Variants in TSPAN9 observed in about 807,000 individuals in gnomAD.
The protein encoded by TSPAN9 is tetraspanin-9.
In TSPAN9, 16 loss-of-function variants were observed where a neutral mutation model predicts 31.0. That is an observed-to-expected ratio of 0.52 (90% CI 0.35 to 0.78). TSPAN9 has a LOEUF of 0.78. Among genes scored for constraint, TSPAN9 ranks in the 30% least tolerant of loss-of-function variants. TSPAN9 has a pLI of 0.01. For synonymous variants in TSPAN9, 145 were observed against 121.6 expected (o/e 1.19, Z -1.27); for missense variants, 272 against 312.5 (o/e 0.87, Z 0.98).
intron 3 of TSPAN9, among the ~76,000 whole-genome samples, chr12:3,265,491 G>A (rs1862521792): frequency 6.6e-6 from 1 of 152,206 alleles, no homozygotes; most frequent in Non-Finnish European, 1.5e-5. Flanking sequence ...GGTCCACTGA[G>A]CTGCAAATTT....
At position 3,226,775 on chromosome 12, in the gene TSPAN9, TATATATATATATATATATA is replaced by T. The variant is rs1565622607; in HGVS notation, c.63+25520_63+25538del. Among the ~76,000 whole-genome samples, 41 of 6,152 alleles carry T rather than the reference TATATATATATATATATATA, an allele frequency of 6.7e-3. 6 individuals carry two copies. The highest frequency in any genetic ancestry group is 0.016 in the African/African-American group (30 of 1,842). The allele number at this position is 6,152 out of a possible 152,430, so 4.0% of individuals were successfully genotyped here. A position where few individuals can be genotyped will look rare whatever the true frequency, so the allele number is the denominator to read the frequency against. On this transcript the variant is annotated intron_variant, in intron 3 of 8. Transcript: ENST00000011898. ...ATATATATATATATATATATATATA[TATATATATATATATATATA>T]TTTTTTTTTTTTTTTCCCTCTTCGA...
At chr12:3,078,526 A>G (rs923778067) in intron 1 of TSPAN9, among the ~76,000 whole-genome samples, 25 of 152,110 alleles carry the variant, frequency 1.6e-4, no homozygotes, top group African/African-American at 6.0e-4. Context: ...AGTAATGGGG[A>G]GGGGAGGAGA....
At chr12:3,223,724 C>T (rs184462375) in intron 3 of TSPAN9, among the ~76,000 whole-genome samples, 4 of 152,240 alleles carry the variant, frequency 2.6e-5, no homozygotes, top group Admixed American at 2.6e-4. Flanking sequence ...AAGTATTGAG[C>T]GAGAGACCGG....
At chr12:3,130,991 G>T (rs2098329585) in intron 2 of TSPAN9, among the ~76,000 whole-genome samples, 1 of 152,080 alleles carries the variant, frequency 6.6e-6, no homozygotes, top group Admixed American at 6.6e-5. Flanking sequence ...AGGTCGTTGG[G>T]GCCAGTGCCC....
intron 3 of TSPAN9, among the ~76,000 whole-genome samples, chr12:3,261,303 C>T (rs1049623241): frequency 6.6e-6 from 1 of 152,188 alleles, no homozygotes; most frequent in Admixed American, 6.5e-5. Flanking sequence ...ATATTCACAA[C>T]AGCTTAATAT....
At chr12:3,194,206 T>A (rs879913015) in intron 2 of TSPAN9, among the ~76,000 whole-genome samples, 3 of 152,200 alleles carry the variant, frequency 2.0e-5, no homozygotes, top group Admixed American at 6.5e-5. Flanking sequence ...AGACACAGCC[T>A]CTGCTTTCTT....
Position 3,201,269 on chromosome 12 carries a change from G to T in TSPAN9, c.63+13G>T. 6.2e-7 allele frequency: 1 copy of T among 1,613,282 alleles called. No homozygotes were observed. The highest frequency in any genetic ancestry group is 8.5e-7 in the Non-Finnish European group (1 of 1,179,446). The stretch of plus-strand genomic sequence containing the variant: ...TTTGATATTCTGGGTAAGTCCTTCC[G>T]TTTCTCTCTCCCTTCGCCCTCTTCT... On this transcript the variant is annotated intron_variant, in intron 3 of 8. Coordinates refer to ENST00000011898, the MANE Select transcript of TSPAN9 (RefSeq NM_006675.5).
chr12:3,129,881 G>A (rs541699217), intron 2 of TSPAN9, among the ~76,000 whole-genome samples: 1 of 152,290 alleles, frequency 6.6e-6, no homozygotes, highest in East Asian at 1.9e-4. Flanking sequence ...GAGCCTGGCA[G>A]AGGTAGAACC....
chr12:3,241,621 C>T (rs1258056197), intron 3 of TSPAN9, among the ~76,000 whole-genome samples: 1 of 152,268 alleles, frequency 6.6e-6, no homozygotes, highest in Non-Finnish European at 1.5e-5. Context: ...CACTTTCCTT[C>T]TGGGCTCGTT....
chr12:3,191,086 G>A (rs983793701), intron 2 of TSPAN9, among the ~76,000 whole-genome samples: 1 of 152,126 alleles, frequency 6.6e-6, no homozygotes, highest in Non-Finnish European at 1.5e-5. Context: ...TTCGGGGTGT[G>A]GGGGAAAGGG....
intron 2 of TSPAN9, among the ~76,000 whole-genome samples, chr12:3,137,416 G>T (rs772666046): frequency 2.6e-5 from 4 of 152,176 alleles, no homozygotes; most frequent in Non-Finnish European, 5.9e-5. Context: ...CCAGAGCCCC[G>T]CCTCCTGCTG....
intron 2 of TSPAN9, among the ~76,000 whole-genome samples, chr12:3,087,155 A>G (rs550824372): frequency 2.0e-5 from 3 of 152,232 alleles, no homozygotes; most frequent in South Asian, 2.1e-4. Flanking sequence ...GTGTGCTTGC[A>G]TGGGTTTGTG....
intron 2 of TSPAN9, among the ~76,000 whole-genome samples, chr12:3,135,995 A>C (rs886719310): frequency 6.6e-6 from 1 of 152,148 alleles, no homozygotes; most frequent in Admixed American, 6.5e-5. Context: ...GCCGAGACCC[A>C]GTGTCCCCGA....
intron 1 of TSPAN9, among the ~76,000 whole-genome samples, chr12:3,077,968 A>G (rs978229801): frequency 6.6e-5 from 10 of 152,216 alleles, no homozygotes; most frequent in African/African-American, 2.4e-4. Context: ...TTGGAGATCT[A>G]GCCCATCTGT....
At chr12:3,264,076 C>A (rs1189807608) in intron 3 of TSPAN9, among the ~76,000 whole-genome samples, 1 of 152,198 alleles carries the variant, frequency 6.6e-6, no homozygotes. Context: ...GGTCACCCAG[C>A]AGAGCACTTG....
intron 2 of TSPAN9, among the ~76,000 whole-genome samples, chr12:3,184,745 GGGGAT>G (rs2098360288): frequency 6.6e-6 from 1 of 152,090 alleles, no homozygotes; most frequent in Non-Finnish European, 1.5e-5. Flanking sequence ...GCATGAGGTT[GGGGAT>G]GGGAATAGCT....
intron 3 of TSPAN9, among the ~76,000 whole-genome samples, chr12:3,202,206 G>T (rs558713008): frequency 2.6e-5 from 4 of 152,286 alleles, no homozygotes; most frequent in Admixed American, 6.5e-5. Flanking sequence ...CCCAATTGCC[G>T]TCTCTGCCTT....
chr12:3,094,939 G>A (rs2098307198), intron 2 of TSPAN9, among the ~76,000 whole-genome samples: 1 of 122,482 alleles, frequency 8.2e-6, no homozygotes, highest in African/African-American at 3.4e-5. Flanking sequence ...GCAGGGTCAT[G>A]GGACAATAGT....
intron 3 of TSPAN9, among the ~76,000 whole-genome samples, chr12:3,224,003 A>C (rs1442734461): frequency 6.6e-6 from 1 of 152,150 alleles, no homozygotes; most frequent in Non-Finnish European, 1.5e-5. Context: ...CTGTGCAGCC[A>C]AGGTTGAAGC....
Sources: allele counts gnomAD v4.1 joint callset (sites outside exome capture counted in the v4.1 genomes callset), GRCh38; gene constraint gnomAD v4.1.1; transcripts MANE v1.5; gene names NCBI Gene and HGNC (gene_info 2026-07-23, HGNC 2026-07-21).